CHCHD3: variants seen among roughly 807,000 people sequenced by gnomAD.
CHCHD3 encodes MICOS complex subunit MIC19.
A neutral mutation model predicts 38.2 loss-of-function variants in CHCHD3; 20 were observed. The observed-to-expected ratio is 0.52, with a 90% CI of 0.37 to 0.76. The LOEUF is 0.76. Among genes scored for constraint, CHCHD3 ranks in the 30% least tolerant of loss-of-function variants. The probability of loss-of-function intolerance (pLI) is 0.00; values close to 1 mark genes in which losing one functional copy is unlikely to be tolerated. For missense variants in CHCHD3, 245 were observed against 279.2 expected (o/e 0.88, Z 0.87); for synonymous variants, 82 against 100.0 (o/e 0.82, Z 1.07).
chr7:132,946,647 A>C (rs1321899487), intron 4 of CHCHD3, among the ~76,000 whole-genome samples: 4 of 151,866 alleles, frequency 2.6e-5, no homozygotes, highest in Non-Finnish European at 5.9e-5. Context: ...ATATTGGTTT[A>C]TAATTTTATA....
chr7:132,817,092 CG>C, intron 6 of CHCHD3, among the ~76,000 whole-genome samples: 1 of 152,296 alleles, frequency 6.6e-6, no homozygotes, highest in Non-Finnish European at 1.5e-5. Flanking sequence ...TCTCTGTACA[CG>C]TGCTGGTCTG....
intron 4 of CHCHD3, among the ~76,000 whole-genome samples, chr7:132,951,211 C>T (rs1203106702): frequency 6.6e-6 from 1 of 152,184 alleles, no homozygotes; most frequent in East Asian, 1.9e-4. Context: ...GTTGAAAAGG[C>T]CAAGGAGGAA....
chr7:133,011,137 G>A (rs1812859279), intron 3 of CHCHD3, among the ~76,000 whole-genome samples: 2 of 152,124 alleles, frequency 1.3e-5, no homozygotes, highest in African/African-American at 4.8e-5. Context: ...AGCCGATGTG[G>A]CCGAAGTGTT....
chr7:133,048,219 C>T (rs1405105174), intron 2 of CHCHD3, among the ~76,000 whole-genome samples: 1 of 151,726 alleles, frequency 6.6e-6, no homozygotes, highest in Non-Finnish European at 1.5e-5. Context: ...ATAAAGTCAG[C>T]GGGGGAGGGA....
chr7:133,024,456 A>T, intron 3 of CHCHD3, 90 bp downstream of exon 3: 1 of 986,684 alleles, frequency 1.0e-6, no homozygotes, highest in Non-Finnish European at 1.6e-6. Context: ...ATACACAAAT[A>T]ATGAGACTTA....
intron 4 of CHCHD3, among the ~76,000 whole-genome samples, chr7:132,958,982 G>T (rs1811246587): frequency 6.6e-6 from 1 of 152,156 alleles, no homozygotes; most frequent in Non-Finnish European, 1.5e-5. Context: ...GGCAACATAT[G>T]TGTCTATCAA....
intron 3 of CHCHD3, 63 bp from the exon 4 acceptor site, chr7:132,975,349 CA>C: frequency 7.4e-7 from 1 of 1,350,018 alleles, no homozygotes; most frequent in Non-Finnish European, 1.0e-6. Flanking sequence ...TATTTTCTAT[CA>C]AATGAAATAA....
In CHCHD3 at chr7:133,035,726, A is replaced by G; in HGVS notation, c.170-11099T>C. On this transcript the variant is annotated intron_variant, in intron 2 of 7. Coordinates refer to ENST00000262570, the MANE Select transcript of CHCHD3 (RefSeq NM_017812.4). This position sits in a 1 kb window ranked among gnomAD's most constrained non-coding sequence, Gnocchi z 4.7. ...CGTTGCTCTCAAACACACAGAATCC[A>G]TCATCACCCTCAAATGCTGGGACCT... 1 of 1,613,420 alleles carries G rather than the reference A, an allele frequency of 6.2e-7. No individual in the cohort carries two copies. The highest frequency in any genetic ancestry group is 8.5e-7 in the Non-Finnish European group (1 of 1,179,414).
intron 7 of CHCHD3, among the ~76,000 whole-genome samples, chr7:132,786,966 G>A (rs1468503084): frequency 6.6e-6 from 1 of 152,216 alleles, no homozygotes; most frequent in African/African-American, 2.4e-5. Context: ...TCTGCCTGGT[G>A]CAGAGGGCAA....
chr7:133,009,241 G>A (rs113827847), intron 3 of CHCHD3, among the ~76,000 whole-genome samples: 41,166 of 151,278 alleles, frequency 0.27, 5,935 homozygotes, highest in South Asian at 0.4. Flanking sequence ...GTGTGCACCT[G>A]TAAGCCCAGC....
At chr7:133,008,159 T>C (rs937983878) in intron 3 of CHCHD3, among the ~76,000 whole-genome samples, 4 of 152,144 alleles carry the variant, frequency 2.6e-5, no homozygotes, top group Non-Finnish European at 5.9e-5. Context: ...CTAAGTGAAA[T>C]GTGCATGGCC....
At chr7:132,843,076 C>T (rs12539810) in intron 5 of CHCHD3, among the ~76,000 whole-genome samples, 36,397 of 152,028 alleles carry the variant, frequency 0.24, 4,520 homozygotes, top group South Asian at 0.26. Flanking sequence ...CTCACTCTTT[C>T]GCCCAGGCTG....
At chr7:133,019,707 T>TG (rs1314127084) in intron 3 of CHCHD3, among the ~76,000 whole-genome samples, 2 of 152,150 alleles carry the variant, frequency 1.3e-5, no homozygotes, top group East Asian at 3.9e-4. Flanking sequence ...CCTTTCTTCT[T>TG]GGTTTCTTGA....
chr7:132,995,209 TTTTC>T (rs1812383042), intron 3 of CHCHD3, among the ~76,000 whole-genome samples: 1 of 152,196 alleles, frequency 6.6e-6, no homozygotes, highest in South Asian at 2.1e-4. Flanking sequence ...TTACTTGGTA[TTTTC>T]TTTTTTTAAA....
intron 1 of CHCHD3, 149 bp from the exon 2 acceptor site, chr7:133,070,378 GA>G: frequency 1.6e-6 from 1 of 629,668 alleles, no homozygotes; most frequent in Non-Finnish European, 2.8e-6. Context: ...CATAAAACCA[GA>G]AGGAAGAATA....
rs548542608 is a variant in CHCHD3, at chr7:133,077,111, T to C, written c.81+4746A>G. 1.3e-4 allele frequency among the ~76,000 whole-genome samples: 20 copies of C among 152,300 alleles called. No individual in the cohort carries two copies. The South Asian group carries it at 1.7e-3, about 13-fold the overall frequency. ...CCATATATATGTTGATAGATATATA[T>C]GAAATATGTAATGCTTAGCTTATGT... On this transcript the variant is annotated intron_variant, in intron 1 of 7. Coordinates refer to ENST00000262570, the MANE Select transcript of CHCHD3 (RefSeq NM_017812.4).
intron 3 of CHCHD3, among the ~76,000 whole-genome samples, chr7:133,010,156 C>A (rs1362591164): frequency 2.0e-5 from 3 of 152,176 alleles, no homozygotes; most frequent in Admixed American, 6.5e-5. Flanking sequence ...GTTGTCAGGT[C>A]AAGGTACTTG....
intron 4 of CHCHD3, among the ~76,000 whole-genome samples, chr7:132,913,963 T>C (rs1303541670): frequency 2.0e-5 from 3 of 148,774 alleles, no homozygotes; most frequent in African/African-American, 5.0e-5. Flanking sequence ...TTTTTTTTTT[T>C]TTTTTTGAGA....
intron 5 of CHCHD3, among the ~76,000 whole-genome samples, chr7:132,872,890 G>T (rs1226334056): frequency 1.3e-5 from 2 of 152,042 alleles, no homozygotes; most frequent in African/African-American, 2.4e-5. Context: ...TAGATCACTT[G>T]AGGTCAGCTC....
Sources: allele counts gnomAD v4.1 joint callset (sites outside exome capture counted in the v4.1 genomes callset), GRCh38; gene constraint gnomAD v4.1.1; non-coding constraint Gnocchi (gnomAD v3.1); transcripts MANE v1.5; gene names NCBI Gene and HGNC (gene_info 2026-07-23, HGNC 2026-07-21).